Variants in LRFN2 observed in about 807,000 individuals in gnomAD.
The protein encoded by LRFN2 is leucine rich repeat and fibronectin type III domain containing 2.
A neutral mutation model predicts 37.3 loss-of-function variants in LRFN2; 18 were observed. The observed-to-expected ratio is 0.48, with a 90% CI of 0.33 to 0.72. LRFN2 has a LOEUF of 0.72. Among genes scored for constraint, LRFN2 ranks in the 30% least tolerant of loss-of-function variants. The probability of loss-of-function intolerance (pLI) is 0.02; values close to 1 mark genes in which losing one functional copy is unlikely to be tolerated. For missense variants in LRFN2, 1,006 were observed against 1,060.7 expected, an observed-to-expected ratio of 0.95 and a Z score of 0.72; for synonymous variants, 556 against 466.6, an observed-to-expected ratio of 1.19 and a Z score of -2.47.
intron 2 of LRFN2, among the ~76,000 whole-genome samples, chr6:40,430,408 T>C (rs1208996301): frequency 6.6e-6 from 1 of 152,264 alleles, no homozygotes; most frequent in African/African-American, 2.4e-5. Context: ...TCTTGCACCA[T>C]GGGCCCTTTG....
chr6:40,394,911 C>T (rs1447005996), intron 2 of LRFN2, among the ~76,000 whole-genome samples: 1 of 152,024 alleles, frequency 6.6e-6, no homozygotes, highest in East Asian at 1.9e-4. Flanking sequence ...TGAGGCCTCC[C>T]CAGCCATGTG....
Position 40,432,757 on chromosome 6 carries a change from G to A in LRFN2, c.357C>T (p.Thr119=). ...GCTGCAGGTTGACCAGGCCCCGGAG[G>A]GTGTCCTCCCCAAGGCTTGGCAGCC... The part of the protein sequence containing the change: ...SNRLPSLGED[T]LRGLVNLQHL... Residue 119 remains threonine, a synonymous_variant, in exon 2 of 3, where the codon ACC becomes ACT. Coordinates refer to ENST00000338305, the MANE Select transcript of LRFN2 (RefSeq NM_020737.3). 6.2e-7 allele frequency: 1 copy of A among 1,614,192 alleles called. No homozygotes were observed. Among genetic ancestry groups the A allele is most frequent in the Non-Finnish European group, 8.5e-7 (1 of 1,180,042 alleles).
Position 40,523,549 on chromosome 6 carries a change from T to C in LRFN2, c.-19+63392A>G, listed in dbSNP as rs1170023563. Reference sequence around the variant, plus strand: ...TTTTTTTTTTTTACCGATAGCCCTATGAAGAAGGCATAACAAGACTTTACC... The same window carrying C: ...TTTTTTTTTTTTACCGATAGCCCTACGAAGAAGGCATAACAAGACTTTACC... On this transcript the variant is annotated intron_variant, in intron 1 of 2. Coordinates refer to ENST00000338305, the MANE Select transcript of LRFN2 (RefSeq NM_020737.3). 2.2e-5 allele frequency among the ~76,000 whole-genome samples: 3 copies of C among 137,616 alleles called. No individual in the cohort carries two copies. In the East Asian group the frequency reaches 6.7e-4, roughly 31 times the overall value. 90.3% of individuals were successfully genotyped at this position (137,616 alleles called of 152,430 possible).
chr6:40,547,037 T>A (rs1464704148), intron 1 of LRFN2, among the ~76,000 whole-genome samples: 5 of 152,004 alleles, frequency 3.3e-5, no homozygotes, highest in African/African-American at 7.3e-5. Flanking sequence ...TTCAAGAAAC[T>A]GCAGCTATCA....
intron 2 of LRFN2, among the ~76,000 whole-genome samples, chr6:40,405,324 G>A (rs1762819488): frequency 6.6e-6 from 1 of 152,130 alleles, no homozygotes; most frequent in Non-Finnish European, 1.5e-5. Context: ...TCCTGGTTTT[G>A]CACATACCAG....
At chr6:40,488,379 C>T (rs1282249829) in intron 1 of LRFN2, among the ~76,000 whole-genome samples, 2 of 151,990 alleles carry the variant, frequency 1.3e-5, no homozygotes, top group Non-Finnish European at 2.9e-5. Flanking sequence ...CTTCCATTCC[C>T]TCTGCCTTGC....
At chr6:40,562,297 G>A (rs1767012555) in intron 1 of LRFN2, among the ~76,000 whole-genome samples, 1 of 152,034 alleles carries the variant, frequency 6.6e-6, no homozygotes, top group Non-Finnish European at 1.5e-5. Flanking sequence ...TGAACTACTG[G>A]GCTTGGGGAA....
chr6:40,582,802 A>T (rs1767427639), intron 1 of LRFN2, among the ~76,000 whole-genome samples: 1 of 151,902 alleles, frequency 6.6e-6, no homozygotes, highest in Admixed American at 6.6e-5. Context: ...CAATAGTTGA[A>T]CAAGCTGAGC....
chr6:40,500,955 T>C (rs1360625235), intron 1 of LRFN2, among the ~76,000 whole-genome samples: 1 of 150,978 alleles, frequency 6.6e-6, no homozygotes, highest in Non-Finnish European at 1.5e-5. Context: ...TTTTCACTTT[T>C]TTTTTTTTTT....
At chr6:40,495,141 C>T (rs764584978) in intron 1 of LRFN2, among the ~76,000 whole-genome samples, 2 of 152,176 alleles carry the variant, frequency 1.3e-5, no homozygotes, top group Non-Finnish European at 2.9e-5. Flanking sequence ...ATTCACTTTT[C>T]AACATTTTCC....
intron 1 of LRFN2, among the ~76,000 whole-genome samples, chr6:40,527,956 C>A (rs79792641): frequency 0.04 from 6,146 of 152,228 alleles, 391 homozygotes; most frequent in African/African-American, 0.13. Context: ...CTTAAACACA[C>A]AAACTCATGT....
At chr6:40,545,217 G>A (rs1766635271) in intron 1 of LRFN2, among the ~76,000 whole-genome samples, 1 of 152,202 alleles carries the variant, frequency 6.6e-6, no homozygotes, top group African/African-American at 2.4e-5. Flanking sequence ...TGACCAGATA[G>A]CAAGGAGCTT....
chr6:40,511,500 T>A (rs1765708438), intron 1 of LRFN2, among the ~76,000 whole-genome samples: 1 of 152,148 alleles, frequency 6.6e-6, no homozygotes, highest in Admixed American at 6.5e-5. Context: ...TCTCTCTAAG[T>A]CACAAACTGG....
intron 1 of LRFN2, among the ~76,000 whole-genome samples, chr6:40,554,228 G>T (rs1178784408): frequency 6.6e-6 from 1 of 152,206 alleles, no homozygotes; most frequent in Non-Finnish European, 1.5e-5. Context: ...TGGAAGTCAG[G>T]ATGGATGTCA....
chr6:40,459,877 G>T (rs182835595), intron 1 of LRFN2, among the ~76,000 whole-genome samples: 2 of 149,536 alleles, frequency 1.3e-5, no homozygotes, highest in African/African-American at 5.1e-5. Context: ...TCTATGAGTC[G>T]GGCACTATTA....
intron 1 of LRFN2, among the ~76,000 whole-genome samples, chr6:40,514,278 G>A (rs1765794258): frequency 6.6e-6 from 1 of 152,070 alleles, no homozygotes; most frequent in South Asian, 2.1e-4. Flanking sequence ...TATACATAGT[G>A]TATGTATGTA....
chr6:40,405,416 G>A (rs373948331), intron 2 of LRFN2, among the ~76,000 whole-genome samples: 16 of 152,170 alleles, frequency 1.1e-4, no homozygotes, highest in African/African-American at 1.7e-4. Context: ...AAAATGGGGC[G>A]TTCATAATCT....
At chr6:40,584,858 C>T (rs530533815) in intron 1 of LRFN2, among the ~76,000 whole-genome samples, 3 of 151,910 alleles carry the variant, frequency 2.0e-5, no homozygotes, top group South Asian at 4.2e-4. Flanking sequence ...ATAAGAAGAG[C>T]AATTCCTCCT....
At chr6:40,559,556 G>A (rs1766954706) in intron 1 of LRFN2, among the ~76,000 whole-genome samples, 2 of 152,076 alleles carry the variant, frequency 1.3e-5, no homozygotes, top group Non-Finnish European at 2.9e-5. Flanking sequence ...GCGGAGGGAG[G>A]GAAGAGGGAC....
Sources: allele counts gnomAD v4.1 joint callset (sites outside exome capture counted in the v4.1 genomes callset), GRCh38; gene constraint gnomAD v4.1.1; transcripts MANE v1.5; gene names NCBI Gene and HGNC (gene_info 2026-07-23, HGNC 2026-07-21).